Variants in MTHFD2L observed in about 807,000 individuals in gnomAD.
MTHFD2L encodes methylenetetrahydrofolate dehydrogenase (NADP+ dependent) 2 like, also known as bifunctional methylenetetrahydrofolate dehydrogenase/cyclohydrolase 2, mitochondrial.
Under a neutral mutation model 34.9 loss-of-function variants are expected in MTHFD2L, and 29 were observed. That is an observed-to-expected ratio of 0.83 (90% CI 0.62 to 1.13). MTHFD2L has a LOEUF of 1.13. Among genes scored for constraint, MTHFD2L ranks in the 50% most tolerant of loss-of-function variants. The pLI, the probability that MTHFD2L is intolerant of heterozygous loss-of-function variation, is 0.00. For missense variants in MTHFD2L, 481 were observed against 446.5 expected (o/e 1.08, Z -0.70); for synonymous variants, 167 against 155.7 (o/e 1.07, Z -0.54).
chr4:74,114,980 A>G (rs1003636241), intron 2 of MTHFD2L, among the ~76,000 whole-genome samples: 1 of 152,208 alleles, frequency 6.6e-6, no homozygotes, highest in African/African-American at 2.4e-5. Context: ...CAAAGCATTA[A>G]GTCTTTGCTT....
chr4:74,267,209 A>G, intron 6 of MTHFD2L: 1 of 985,226 alleles, frequency 1.0e-6, no homozygotes, highest in Non-Finnish European at 1.2e-6. Context: ...TATTGTCCCT[A>G]CTGGCCTGCA....
chr4:74,297,309 C>T (rs1164978362), intron 7 of MTHFD2L, among the ~76,000 whole-genome samples: 1 of 152,012 alleles, frequency 6.6e-6, no homozygotes, highest in Non-Finnish European at 1.5e-5. Flanking sequence ...TCTCAATTGT[C>T]AAATAGTTTC....
chr4:74,128,300 T>C (rs530586266), intron 1 of MTHFD2L, among the ~76,000 whole-genome samples: 1 of 152,196 alleles, frequency 6.6e-6, no homozygotes, highest in Non-Finnish European at 1.5e-5. Flanking sequence ...CCCAGCCCAA[T>C]GTCCTAGAAT....
At chr4:74,142,366 C>T (rs1723327296) in intron 1 of MTHFD2L, among the ~76,000 whole-genome samples, 1 of 152,106 alleles carries the variant, frequency 6.6e-6, no homozygotes, top group Non-Finnish European at 1.5e-5. Flanking sequence ...GAGAGTGGAG[C>T]TCTCATAAAT....
At chr4:74,166,588 T>C (rs1312288933) in intron 1 of MTHFD2L, among the ~76,000 whole-genome samples, 1 of 152,228 alleles carries the variant, frequency 6.6e-6, no homozygotes, top group Non-Finnish European at 1.5e-5. Context: ...TTGTTGAATA[T>C]GTTGATTAAT....
At chr4:74,251,895 A>C (rs551383841) in intron 6 of MTHFD2L, among the ~76,000 whole-genome samples, 1 of 152,248 alleles carries the variant, frequency 6.6e-6, no homozygotes, top group Non-Finnish European at 1.5e-5. Context: ...GTCTCTGTAG[A>C]CTAGAATAAG....
chr4:74,281,591 A>T, intron 7 of MTHFD2L, 41 bp downstream of exon 7: 1 of 1,564,322 alleles, frequency 6.4e-7, no homozygotes. Context: ...GAAGATAAAA[A>T]AATTCCACCT....
At chr4:74,200,043 A>G in intron 4 of MTHFD2L, 97 bp downstream of exon 4, 1 of 1,088,854 alleles carries the variant, frequency 9.2e-7, no homozygotes, top group Non-Finnish European at 1.3e-6. Flanking sequence ...CTATAGAGTG[A>G]CAGAAAATCA....
chr4:74,174,632 A>C lies in MTHFD2L; in HGVS notation c.270A>C (p.Gly90=). The C allele has an allele frequency of 1.2e-6, 2 of 1,602,794 alleles. No individual in the cohort carries two copies. Among genetic ancestry groups the C allele is most frequent in the Non-Finnish European group, 1.7e-6 (2 of 1,175,256 alleles). Residue 90 remains glycine (G), a synonymous_variant, in exon 2 of 8, where the codon GGA becomes GGC. Transcript: ENST00000325278. ...RRPHLSIILV[G]DNPASHTYVR... ...CTCACCTCAGTATAATTTTAGTGGG[A>C]GATAACCCAGCAAGCCATACATATG...
chr4:74,222,703 A>G (rs1738421468), intron 5 of MTHFD2L, among the ~76,000 whole-genome samples: 1 of 152,108 alleles, frequency 6.6e-6, no homozygotes, highest in Admixed American at 6.6e-5. Context: ...TACTTTGATT[A>G]AGTAAACTGT....
At chr4:74,160,575 G>A (rs1306766748) in intron 1 of MTHFD2L, 1 of 152,208 alleles carries the variant, frequency 6.6e-6, no homozygotes, top group Non-Finnish European at 1.5e-5. Context: ...GAGAATTTAG[G>A]TCTTATTAAT....
intron 5 of MTHFD2L, among the ~76,000 whole-genome samples, chr4:74,220,328 T>C (rs1737951386): frequency 6.6e-6 from 1 of 151,950 alleles, no homozygotes; most frequent in African/African-American, 2.4e-5. Context: ...TTTAGACTTT[T>C]ACTGTAAATA....
chr4:74,140,440 ATTAAC>A (rs1254777724), intron 1 of MTHFD2L: 7 of 431,072 alleles, frequency 1.6e-5, no homozygotes, highest in African/African-American at 1.3e-4. Flanking sequence ...TATGTAATTA[ATTAAC>A]TTAATCCACA....
intron 6 of MTHFD2L, chr4:74,242,029 A>T (rs982212395): frequency 1.3e-5 from 2 of 152,776 alleles, no homozygotes; most frequent in African/African-American, 4.8e-5. Flanking sequence ...TTGATGATGG[A>T]AATGTTCTAT....
upstream of MTHFD2L, among the ~76,000 whole-genome samples, chr4:74,124,212 C>T (rs1004253245): frequency 6.6e-6 from 1 of 151,722 alleles, no homozygotes. Flanking sequence ...TGCTATATAA[C>T]AAATAGTGTG....
At chr4:74,170,370 CAT>C (rs1383486395) in intron 1 of MTHFD2L, among the ~76,000 whole-genome samples, 3 of 152,276 alleles carry the variant, frequency 2.0e-5, no homozygotes, top group African/African-American at 7.2e-5. Context: ...TCGAGAAAAA[CAT>C]ATGATCATCT....
chr4:74,254,005 A>G (rs930769210), intron 6 of MTHFD2L, among the ~76,000 whole-genome samples: 1 of 152,218 alleles, frequency 6.6e-6, no homozygotes, highest in African/African-American at 2.4e-5. Context: ...GACAGGGTCC[A>G]TGGACTCAGG....
intron 6 of MTHFD2L, among the ~76,000 whole-genome samples, chr4:74,230,030 A>G: frequency 6.6e-6 from 1 of 152,254 alleles, no homozygotes; most frequent in African/African-American, 2.4e-5. Flanking sequence ...AGCTGTGTTG[A>G]TTTTGAGATT....
intron 6 of MTHFD2L, among the ~76,000 whole-genome samples, chr4:74,229,097 C>G (rs1281823253): frequency 6.6e-6 from 1 of 151,988 alleles, no homozygotes; most frequent in Non-Finnish European, 1.5e-5. Context: ...CTGCAGTCTT[C>G]TTGAAGAAAT....
Sources: allele counts gnomAD v4.1 joint callset (sites outside exome capture counted in the v4.1 genomes callset), GRCh38; gene constraint gnomAD v4.1.1; transcripts MANE v1.5; gene names NCBI Gene and HGNC (gene_info 2026-07-23, HGNC 2026-07-21).